Variants in PTPRN2 observed in about 807,000 individuals in gnomAD.
PTPRN2 encodes protein tyrosine phosphatase receptor type N2.
In PTPRN2, 74 loss-of-function variants were observed where a neutral mutation model predicts 118.8. The observed-to-expected ratio is 0.62, with a 90% confidence interval of 0.52 to 0.76. The LOEUF is 0.76. PTPRN2 is among the 30% of genes least tolerant of loss of function. PTPRN2 has a pLI of 0.00. For missense variants in PTPRN2, 1,481 were observed against 1,394.4 expected (o/e 1.06, Z -0.99); for synonymous variants, 641 against 608.0 (o/e 1.05, Z -0.80).
chr7:158,331,790 A>G (rs1338513852), intron 2 of PTPRN2, among the ~76,000 whole-genome samples: 1 of 151,078 alleles, frequency 6.6e-6, no homozygotes, highest in Non-Finnish European at 1.5e-5. Flanking sequence ...TCACGCACAG[A>G]CATCACTCAC....
intron 12 of PTPRN2, among the ~76,000 whole-genome samples, chr7:157,786,645 C>T (rs1010244425): frequency 6.6e-6 from 1 of 152,234 alleles, no homozygotes; most frequent in African/African-American, 2.4e-5. Flanking sequence ...GACGGTGAGG[C>T]GCTGCCGGTG....
chr7:158,214,925 C>T (rs1314008429), intron 3 of PTPRN2, among the ~76,000 whole-genome samples: 1 of 152,062 alleles, frequency 6.6e-6, no homozygotes, highest in Non-Finnish European at 1.5e-5. Context: ...TAAATGAGAT[C>T]CAGAATCATG....
chr7:158,142,558 G>T (rs771047102), intron 6 of PTPRN2, among the ~76,000 whole-genome samples: 8 of 152,156 alleles, frequency 5.3e-5, no homozygotes, highest in Non-Finnish European at 1.2e-4. Context: ...CATGGAGGCC[G>T]CGTACTCTTC....
chr7:158,040,997 C>T (rs924543572), intron 11 of PTPRN2, among the ~76,000 whole-genome samples: 1 of 152,218 alleles, frequency 6.6e-6, no homozygotes, highest in Non-Finnish European at 1.5e-5. Context: ...TCCCAAAGTG[C>T]TGGGATCACA....
At chr7:158,320,292 C>G (rs1384878357) in intron 2 of PTPRN2, among the ~76,000 whole-genome samples, 1 of 152,240 alleles carries the variant, frequency 6.6e-6, no homozygotes, top group African/African-American at 2.4e-5. Flanking sequence ...CGAGTGACTG[C>G]TGGCTCATAT....
chr7:158,408,300 A>G (rs1459559243), intron 2 of PTPRN2, among the ~76,000 whole-genome samples: 1 of 152,178 alleles, frequency 6.6e-6, no homozygotes, highest in East Asian at 1.9e-4. Flanking sequence ...CACTATGCAT[A>G]TTTTTCAATT....
At chr7:157,984,615 G>A (rs1391625547) in intron 11 of PTPRN2, among the ~76,000 whole-genome samples, 1 of 152,036 alleles carries the variant, frequency 6.6e-6, no homozygotes, top group East Asian at 1.9e-4. Context: ...TGTTCCCGCC[G>A]CGCCCTCCAT....
rs538190788 is a variant in PTPRN2 at position 158,174,854 on chromosome 7, A to G, written c.550-7563T>C. Among the ~76,000 whole-genome samples, 6 of 152,306 alleles carry G rather than the reference A, an allele frequency of 3.9e-5. No homozygotes were observed. The South Asian group carries it at 1.2e-3, about 32-fold the overall frequency. On this transcript the variant is annotated intron_variant, in intron 5 of 22. Coordinates refer to ENST00000389418, the MANE Select transcript of PTPRN2 (RefSeq NM_002847.5). The stretch of plus-strand genomic sequence containing the variant: ...GCACCATACCCCTCACCTGTCAAAC[A>G]GTGACACTGCTGAGGAAGTGACTCT...
At chr7:157,760,173 A>T (rs934651919) in intron 12 of PTPRN2, among the ~76,000 whole-genome samples, 1 of 151,960 alleles carries the variant, frequency 6.6e-6, no homozygotes, top group African/African-American at 2.4e-5. Flanking sequence ...TCTAACAAAC[A>T]TCCCCCACGT....
At chr7:157,555,727 A>G (rs1287154868) in intron 21 of PTPRN2, among the ~76,000 whole-genome samples, 1 of 152,246 alleles carries the variant, frequency 6.6e-6, no homozygotes, top group Non-Finnish European at 1.5e-5. Context: ...ATGTGTGCCA[A>G]GTGTTCAAGA....
intron 3 of PTPRN2, among the ~76,000 whole-genome samples, chr7:158,206,854 T>C (rs1246896984): frequency 1.3e-5 from 2 of 151,154 alleles, no homozygotes; most frequent in African/African-American, 4.9e-5. Context: ...CATGTGCACA[T>C]TGTACAGGTT....
At chr7:157,644,539 T>A (rs1740055315) in intron 14 of PTPRN2, among the ~76,000 whole-genome samples, 1 of 152,196 alleles carries the variant, frequency 6.6e-6, no homozygotes, top group Non-Finnish European at 1.5e-5. Flanking sequence ...GGCTCATGCC[T>A]GTAATCCCAG....
intron 11 of PTPRN2, among the ~76,000 whole-genome samples, chr7:158,069,052 G>A (rs1412756424): frequency 3.3e-5 from 5 of 152,286 alleles, no homozygotes; most frequent in Admixed American, 1.3e-4. Context: ...TGCATCATAC[G>A]AATCATCGCA....
intron 10 of PTPRN2, among the ~76,000 whole-genome samples, chr7:158,085,406 T>C (rs1813267524): frequency 1.9e-5 from 1 of 51,352 alleles, no homozygotes; most frequent in Non-Finnish European, 3.8e-5. Context: ...ACGACGCCCA[T>C]CCACACCCAT....
chr7:157,582,214 C>T (rs544370069), intron 17 of PTPRN2, among the ~76,000 whole-genome samples: 1 of 152,350 alleles, frequency 6.6e-6, no homozygotes, highest in African/African-American at 2.4e-5. Flanking sequence ...GCCACCCCGC[C>T]TACGCTTCCT....
chr7:157,599,176 C>A (rs970430010), intron 16 of PTPRN2, among the ~76,000 whole-genome samples: 1 of 152,040 alleles, frequency 6.6e-6, no homozygotes, highest in African/African-American at 2.4e-5. Context: ...CACCCAGCTA[C>A]TTTTTGTATT....
In PTPRN2 at chr7:157,914,705, C is replaced by T. The variant is rs185601869; in HGVS notation, c.1724-15968G>A. ...CTACTCTGCTGGAACACTTATGAAT[C>T]GTGTGTAAGAGTTGCCTAATCTGCT... On this transcript the variant is annotated intron_variant, in intron 11 of 22. Coordinates refer to ENST00000389418, the MANE Select transcript of PTPRN2 (RefSeq NM_002847.5). Among the ~76,000 whole-genome samples, 114 of 152,072 alleles carry T rather than the reference C, an allele frequency of 7.5e-4. 1 individual carries two copies. Among genetic ancestry groups the T allele is most frequent in the Middle Eastern group, 3.4e-3 (1 of 292 alleles).
At chr7:158,304,608 C>CTACATG in intron 3 of PTPRN2, among the ~76,000 whole-genome samples, 1 of 150,582 alleles carries the variant, frequency 6.6e-6, no homozygotes, top group African/African-American at 2.5e-5. Flanking sequence ...CAGGCTTGGT[C>CTACATG]CAGAAAGATG....
At chr7:158,508,075 C>A (rs1162514699) in intron 1 of PTPRN2, among the ~76,000 whole-genome samples, 6 of 151,376 alleles carry the variant, frequency 4.0e-5, no homozygotes, top group Admixed American at 3.9e-4. Flanking sequence ...TGAGGAACAT[C>A]CAGGGGACAG....
Sources: gnomAD v4.1 joint callset for allele counts (sites outside exome capture counted in the v4.1 genomes callset) on GRCh38, gnomAD v4.1.1 for gene constraint, MANE v1.5 for transcripts, NCBI Gene and HGNC (gene_info 2026-07-23, HGNC 2026-07-21) for gene names.